The following CMC2 variants were observed in gnomAD, a reference collection of about 807,000 sequenced individuals.
CMC2 encodes C-X9-C motif containing 2.
CMC2 carries 5 observed loss-of-function variants against 7.5 expected under a neutral mutation model. The observed-to-expected ratio is 0.66, with a 90% CI of 0.35 to 1.40. CMC2 has a LOEUF of 1.40. Among genes scored for constraint, CMC2 ranks in the 40% most tolerant of loss-of-function variants. CMC2 has a pLI of 0.04. For missense variants in CMC2, 115 were observed against 92.3 expected (o/e 1.25, Z -1.01); for synonymous variants, 37 against 31.4 (o/e 1.18, Z -0.60).
In CMC2 at chr16:80,968,118, A is replaced by T. The variant is rs764789043; in HGVS notation, c.*7975T>A. ...TATGGAAGGCAGTTACATCAGAAAGAGTCTAAGTCAATGCTTCTCCAATTT... is the reference window on the plus strand; with the variant it reads ...TATGGAAGGCAGTTACATCAGAAAGTGTCTAAGTCAATGCTTCTCCAATTT... On this transcript the variant is annotated 3_prime_UTR_variant, in exon 4 of 4. Coordinates refer to ENST00000219400, the MANE Select transcript of CMC2 (RefSeq NM_020188.5). 6.6e-6 allele frequency: 1 copy of T among 152,252 alleles called. No homozygotes were observed. The highest frequency in any genetic ancestry group is 1.9e-4 in the East Asian group (1 of 5,202). 9.4% of individuals were successfully genotyped at this position (152,252 alleles called of 1,614,324 possible).
intron 2 of CMC2, among the ~76,000 whole-genome samples, chr16:80,994,722 T>C (rs1021817478): frequency 3.3e-5 from 5 of 152,336 alleles, no homozygotes; most frequent in Admixed American, 2.0e-4. Flanking sequence ...GTGGTAGGAA[T>C]GTAGAGTAGT....
intron 3 of CMC2, among the ~76,000 whole-genome samples, chr16:80,981,095 T>C (rs1477381): frequency 0.65 from 97,118 of 148,352 alleles, 33,421 homozygotes; most frequent in South Asian, 0.8. Flanking sequence ...AAAAAAAAAG[T>C]TCAAAAATAA....
intron 3 of CMC2, among the ~76,000 whole-genome samples, chr16:80,980,597 A>G (rs1967037661): frequency 6.9e-6 from 1 of 145,664 alleles, no homozygotes. Flanking sequence ...ATAATTTAAA[A>G]ACACTAATAA....
chr16:80,983,250 A>C (rs1454793196), intron 2 of CMC2: 1 of 152,298 alleles, frequency 6.6e-6, no homozygotes, highest in Admixed American at 6.5e-5. Context: ...GGAGTCAAAA[A>C]GTTATATGTG....
chr16:80,993,207 A>G (rs921878662), intron 2 of CMC2, among the ~76,000 whole-genome samples: 6 of 152,232 alleles, frequency 3.9e-5, no homozygotes, highest in Non-Finnish European at 1.5e-5. Context: ...TGAATATATA[A>G]AACAACTATT....
At chr16:80,986,242 C>T (rs887664496) in intron 2 of CMC2, among the ~76,000 whole-genome samples, 1 of 152,062 alleles carries the variant, frequency 6.6e-6, no homozygotes, top group African/African-American at 2.4e-5. Flanking sequence ...CCCAGCTACT[C>T]GTGAGGCTGA....
Position 80,969,927 on chromosome 16 carries a change from T to C in CMC2, c.*6166A>G, listed in dbSNP as rs1911803503. Reference sequence around the variant, plus strand: ...AAAAACCCATGGAATATTGTTCCCATGAGAACTTCCTTAGGAATCTGCTGG... The same window carrying C: ...AAAAACCCATGGAATATTGTTCCCACGAGAACTTCCTTAGGAATCTGCTGG... On this transcript the variant is annotated 3_prime_UTR_variant, in exon 4 of 4. Coordinates refer to ENST00000219400, the MANE Select transcript of CMC2 (RefSeq NM_020188.5). The C allele has an allele frequency of 6.6e-6, 1 of 152,186 alleles. No homozygotes were observed. Among genetic ancestry groups the C allele is most frequent in the Non-Finnish European group, 1.5e-5 (1 of 68,040 alleles). The allele number at this position is 152,186 out of a possible 1,614,324, so 9.4% of individuals were successfully genotyped here.
intron 3 of CMC2, chr16:80,978,418 G>C: frequency 3.2e-6 from 4 of 1,248,252 alleles, no homozygotes; most frequent in Non-Finnish European, 4.2e-6. Context: ...GATGGTCCCT[G>C]AATAAAAGGG....
intron 2 of CMC2, among the ~76,000 whole-genome samples, chr16:80,984,537 G>C (rs921267003): frequency 2.0e-5 from 3 of 152,070 alleles, no homozygotes; most frequent in Non-Finnish European, 4.4e-5. Context: ...GACCTTTCCA[G>C]AATAAATTTT....
At chr16:80,978,253 T>A (rs1211116250) in intron 3 of CMC2, 1 of 1,090,342 alleles carries the variant, frequency 9.2e-7, no homozygotes, top group Non-Finnish European at 1.1e-6. Context: ...TTTAATCACG[T>A]CTACTGGATT....
chr16:80,978,383 C>G, intron 3 of CMC2: 3 of 1,270,708 alleles, frequency 2.4e-6, no homozygotes, highest in East Asian at 5.7e-5. Flanking sequence ...TTAAAATATG[C>G]TAAGACATCT....
chr16:80,978,266 C>A, intron 3 of CMC2: 1 of 1,118,436 alleles, frequency 8.9e-7, no homozygotes, highest in Non-Finnish European at 1.1e-6. Flanking sequence ...ACTGGATTGC[C>A]CCCAGCAATC....
intron 1 of CMC2, among the ~76,000 whole-genome samples, chr16:81,001,006 A>C (rs1357500856): frequency 6.6e-6 from 1 of 152,246 alleles, no homozygotes; most frequent in Admixed American, 6.5e-5. Context: ...ATGGAATACT[A>C]AACAGCCATA....
chr16:80,988,148 C>T (rs1305949351), intron 2 of CMC2, among the ~76,000 whole-genome samples: 1 of 152,178 alleles, frequency 6.6e-6, no homozygotes, highest in Admixed American at 6.5e-5. Flanking sequence ...TGTGCCACCG[C>T]ACTCGAGCCT....
chr16:81,001,317 A>G (rs1173690996), intron 1 of CMC2: 3 of 152,254 alleles, frequency 2.0e-5, no homozygotes, highest in African/African-American at 7.2e-5. Flanking sequence ...AAACCTGCAC[A>G]TTACTTATAT....
intron 2 of CMC2, among the ~76,000 whole-genome samples, chr16:80,990,447 G>A (rs1967890536): frequency 6.6e-6 from 1 of 152,172 alleles, no homozygotes; most frequent in South Asian, 2.1e-4. Context: ...TGGGATTACA[G>A]GCATGAGCCA....
chr16:80,971,589 TGAA>T lies in CMC2; in HGVS notation c.*4501_*4503del, dbSNP rs1567498855. On this transcript the variant is annotated 3_prime_UTR_variant, in exon 4 of 4. Coordinates refer to ENST00000219400, the MANE Select transcript of CMC2 (RefSeq NM_020188.5). ...TTATATATATATATATATATATGTA[TGAA>T]ATCATGCATATATATATATGTATGA... The T allele has an allele frequency of 2.2e-3, 285 of 126,926 alleles. 9 individuals carry two copies. Among genetic ancestry groups the T allele is most frequent in the African/African-American group, 8.0e-3 (216 of 26,884 alleles). 7.9% of individuals were successfully genotyped at this position (126,926 alleles called of 1,614,324 possible).
intron 2 of CMC2, among the ~76,000 whole-genome samples, chr16:80,985,537 TCTTCATTTCTCAGC>T (rs1967453070): frequency 6.6e-6 from 1 of 152,186 alleles, no homozygotes; most frequent in African/African-American, 2.4e-5. Flanking sequence ...AATAATTTTT[TCTTCATTTCTCAGC>T]CTTCATTTCT....
intron 3 of CMC2, chr16:80,980,810 A>G: frequency 1.4e-6 from 1 of 699,838 alleles, no homozygotes; most frequent in Non-Finnish European, 2.6e-6. Context: ...TGGGAGGATC[A>G]CTTGAGTTTG....
Sources: gnomAD v4.1 joint callset for allele counts (sites outside exome capture counted in the v4.1 genomes callset) on GRCh38, gnomAD v4.1.1 for gene constraint, MANE v1.5 for transcripts, NCBI Gene and HGNC (gene_info 2026-07-23, HGNC 2026-07-21) for gene names.